SGCD: variants seen among roughly 807,000 people sequenced by gnomAD.
The protein encoded by SGCD is sarcoglycan delta.
SGCD carries 18 observed loss-of-function variants against 36.6 expected under a neutral mutation model. That is an observed-to-expected ratio of 0.49 (90% CI 0.34 to 0.73). The LOEUF is 0.73. SGCD is among the 30% of genes least tolerant of loss of function. The probability of loss-of-function intolerance (pLI) is 0.01; values close to 1 mark genes in which losing one functional copy is unlikely to be tolerated. For missense variants in SGCD, 387 were observed against 346.7 expected, an observed-to-expected ratio of 1.12 and a Z score of -0.92; for synonymous variants, 133 against 130.6, an observed-to-expected ratio of 1.02 and a Z score of -0.12.
intron 4 of SGCD, among the ~76,000 whole-genome samples, chr5:156,512,191 CAAAAAAA>C (rs759345867): frequency 6.0e-5 from 4 of 66,898 alleles, no homozygotes; most frequent in Admixed American, 1.7e-4. Flanking sequence ...GACTCTGTCT[CAAAAAAA>C]AAAAAAAAAA....
chr5:156,529,206 A>G (rs971155585), intron 4 of SGCD, among the ~76,000 whole-genome samples: 9 of 151,950 alleles, frequency 5.9e-5, no homozygotes, highest in East Asian at 1.9e-4. Context: ...GAGGGTGGAT[A>G]ACGAGGTCAA....
chr5:155,969,555 T>C (rs1757968041), intron 1 of SGCD, among the ~76,000 whole-genome samples: 1 of 152,150 alleles, frequency 6.6e-6, no homozygotes, highest in Non-Finnish European at 1.5e-5. Flanking sequence ...TTTTAGCACA[T>C]TAGGCAGAAG....
At chr5:156,067,961 T>TC (rs1292949214) in intron 1 of SGCD, among the ~76,000 whole-genome samples, 4 of 125,664 alleles carry the variant, frequency 3.2e-5, no homozygotes, top group African/African-American at 9.7e-5. Context: ...TCTTGGCTCC[T>TC]CCCCCCCACT....
chr5:156,136,002 T>C (rs1762447348), intron 3 of SGCD, among the ~76,000 whole-genome samples: 1 of 152,220 alleles, frequency 6.6e-6, no homozygotes, highest in South Asian at 2.1e-4. Flanking sequence ...CTCATTACTA[T>C]AATAAAGGTG....
intron 3 of SGCD, among the ~76,000 whole-genome samples, chr5:156,194,985 T>C (rs1763988780): frequency 6.6e-6 from 1 of 152,186 alleles, no homozygotes; most frequent in South Asian, 2.1e-4. Context: ...ATTATGGTGA[T>C]GAATATAGTC....
chr5:156,061,561 A>C lies in SGCD; in HGVS notation c.-281-56317A>C, dbSNP rs1051207324. Reference sequence around the variant, plus strand: ...AAACAAACCCACTGCATGAATGTTAATGAATTGGACCCCTCAATGGAAATA... The same window carrying C: ...AAACAAACCCACTGCATGAATGTTACTGAATTGGACCCCTCAATGGAAATA... On this transcript the variant is annotated intron_variant, in intron 1 of 9. Transcript: ENST00000517913. Among the ~76,000 whole-genome samples, 3 of 146,436 alleles carry C rather than the reference A, an allele frequency of 2.0e-5. No individual in the cohort carries two copies. In the Admixed American group the frequency reaches 2.1e-4, roughly 10 times the overall value.
At chr5:156,223,621 C>G (rs1356531790) in intron 3 of SGCD, among the ~76,000 whole-genome samples, 2 of 151,916 alleles carry the variant, frequency 1.3e-5, no homozygotes, top group African/African-American at 2.4e-5. Context: ...TTGGATTTAG[C>G]TTGAATTTGT....
At chr5:156,497,274 T>C (rs1053275178) in intron 3 of SGCD, among the ~76,000 whole-genome samples, 2 of 151,642 alleles carry the variant, frequency 1.3e-5, no homozygotes, top group East Asian at 3.9e-4. Context: ...CCCAAAGAAA[T>C]TGATAGCTAA....
At chr5:156,033,395 C>G (rs1476054226) in intron 1 of SGCD, among the ~76,000 whole-genome samples, 1 of 152,162 alleles carries the variant, frequency 6.6e-6, no homozygotes, top group Non-Finnish European at 1.5e-5. Context: ...CTCCCACCCT[C>G]TCTCCTTTTG....
At chr5:155,747,267 A>T in the SGCD span, among the ~76,000 whole-genome samples, 1 of 152,238 alleles carries the variant, frequency 6.6e-6, no homozygotes, top group Non-Finnish European at 1.5e-5. Flanking sequence ...GAATAGGAAT[A>T]GAACACAGTA....
At chr5:155,833,616 G>A in the SGCD span, among the ~76,000 whole-genome samples, 1 of 152,148 alleles carries the variant, frequency 6.6e-6, no homozygotes, top group African/African-American at 2.4e-5. Context: ...AACCAAGGGG[G>A]GAAAAGTCTA....
chr5:156,534,762 C>A (rs1309104600), intron 4 of SGCD, among the ~76,000 whole-genome samples: 1 of 152,102 alleles, frequency 6.6e-6, no homozygotes, highest in African/African-American at 2.4e-5. Context: ...TCTCTCTATC[C>A]GTAATATGGG....
At chr5:155,952,666 A>G (rs140562711) in intron 1 of SGCD, among the ~76,000 whole-genome samples, 24 of 152,288 alleles carry the variant, frequency 1.6e-4, no homozygotes, top group Non-Finnish European at 2.5e-4. Flanking sequence ...TCGAGTTCCC[A>G]TAGGGCTGAT....
chr5:156,262,188 G>A (rs888392336), intron 3 of SGCD, among the ~76,000 whole-genome samples: 1 of 152,084 alleles, frequency 6.6e-6, no homozygotes, highest in African/African-American at 2.4e-5. Flanking sequence ...CTCACTCAGA[G>A]CAACTTCCAG....
chr5:156,074,695 A>G (rs183971976), intron 1 of SGCD, among the ~76,000 whole-genome samples: 1 of 152,310 alleles, frequency 6.6e-6, no homozygotes, highest in African/African-American at 2.4e-5. Flanking sequence ...AAGAAAAAAG[A>G]ATGTATTTAT....
At chr5:155,818,516 G>T in the SGCD span, among the ~76,000 whole-genome samples, 1 of 152,016 alleles carries the variant, frequency 6.6e-6, no homozygotes, top group Non-Finnish European at 1.5e-5. Context: ...TTTTGGAAAT[G>T]GAGATACTTT....
intron 1 of SGCD, among the ~76,000 whole-genome samples, chr5:156,054,819 T>G (rs1760021266): frequency 1.4e-5 from 2 of 146,708 alleles, no homozygotes; most frequent in African/African-American, 4.9e-5. Context: ...AATTCTATAT[T>G]AAGTTATAAA....
At chr5:156,030,197 C>A (rs1434344772) in intron 1 of SGCD, among the ~76,000 whole-genome samples, 1 of 152,144 alleles carries the variant, frequency 6.6e-6, no homozygotes, top group African/African-American at 2.4e-5. Flanking sequence ...ATGCAAATTA[C>A]CATGGTTGAA....
At chr5:156,569,288 A>G (rs1759622374) in intron 4 of SGCD, among the ~76,000 whole-genome samples, 2 of 152,120 alleles carry the variant, frequency 1.3e-5, no homozygotes, top group African/African-American at 4.8e-5. Context: ...AGGAGGAGAC[A>G]GACAAAAAAA....
Sources: gnomAD v4.1 joint callset for allele counts (sites outside exome capture counted in the v4.1 genomes callset) on GRCh38, gnomAD v4.1.1 for gene constraint, MANE v1.5 for transcripts, NCBI Gene and HGNC (gene_info 2026-07-23, HGNC 2026-07-21) for gene names.